The following YWHAQ variants were observed in gnomAD, a reference collection of about 807,000 sequenced individuals.
The protein encoded by YWHAQ is tyrosine 3-monooxygenase/tryptophan 5-monooxygenase activation protein theta, also known as 14-3-3 protein theta.
A neutral mutation model predicts 28.3 loss-of-function variants in YWHAQ; 6 were observed. The ratio of observed to expected loss-of-function variants is 0.21; its 90% CI spans 0.12 to 0.42. YWHAQ has a LOEUF of 0.42. Among genes scored for constraint, YWHAQ ranks in the 10% least tolerant of loss-of-function variants. YWHAQ has a pLI of 1.00. For missense variants in YWHAQ, 201 were observed against 305.6 expected, an observed-to-expected ratio of 0.66 and a Z score of 2.55; for synonymous variants, 143 against 119.1, an observed-to-expected ratio of 1.20 and a Z score of -1.31.
chr2:9,590,921 G>T (rs1318516382), intron 3 of YWHAQ, among the ~76,000 whole-genome samples: 1 of 152,194 alleles, frequency 6.6e-6, no homozygotes, highest in African/African-American at 2.4e-5. Context: ...GTAATTAGCA[G>T]TCAATGTTAT....
chr2:9,601,614 T>C (rs993598742), intron 2 of YWHAQ, among the ~76,000 whole-genome samples: 2 of 152,184 alleles, frequency 1.3e-5, no homozygotes, highest in Non-Finnish European at 2.9e-5. Context: ...ACCACACACG[T>C]GATGCCATCC....
intron 2 of YWHAQ, among the ~76,000 whole-genome samples, chr2:9,621,027 T>A (rs1296427252): frequency 6.6e-6 from 1 of 152,194 alleles, no homozygotes; most frequent in Non-Finnish European, 1.5e-5. Flanking sequence ...ACCACTTTCA[T>A]AAGTCTAAGA....
intron 2 of YWHAQ, among the ~76,000 whole-genome samples, chr2:9,621,971 G>A (rs1205685491): frequency 6.6e-6 from 1 of 152,118 alleles, no homozygotes; most frequent in Non-Finnish European, 1.5e-5. Flanking sequence ...TCACTTACAA[G>A]TGGGAGTTGA....
intron 2 of YWHAQ, among the ~76,000 whole-genome samples, chr2:9,616,261 C>T (rs1667038606): frequency 6.6e-6 from 1 of 152,074 alleles, no homozygotes; most frequent in South Asian, 2.1e-4. Flanking sequence ...TGGATATCCA[C>T]ATGCAAAAGA....
At chr2:9,595,552 A>C (rs141494021) in intron 2 of YWHAQ, among the ~76,000 whole-genome samples, 3,190 of 152,064 alleles carry the variant, frequency 0.021, 76 homozygotes, top group African/African-American at 0.066. Flanking sequence ...TAAAAATACA[A>C]AATTAGCCGG....
rs1487926800 is a variant in YWHAQ at position 9,584,948 on chromosome 2, C to G, written c.*338G>C. 1.3e-5 allele frequency: 3 copies of G among 223,580 alleles called. No individual in the cohort carries two copies. Among genetic ancestry groups the G allele is most frequent in the African/African-American group, 6.9e-5 (3 of 43,622 alleles). The allele number at this position is 223,580 out of a possible 1,614,324, so 13.8% of individuals were successfully genotyped here. ...GTAATTAACTACATTTTCTTATTTT[C>G]ACAGTAATACAAAACACAGTCACTT... On this transcript the variant is annotated 3_prime_UTR_variant, in exon 6 of 6. Transcript: ENST00000238081.
At chr2:9,614,063 T>A (rs757689096) in intron 2 of YWHAQ, among the ~76,000 whole-genome samples, 4 of 152,208 alleles carry the variant, frequency 2.6e-5, no homozygotes, top group Non-Finnish European at 5.9e-5. Flanking sequence ...AAACATAATG[T>A]CCAGTCTCTG....
At chr2:9,599,798 A>T (rs1666653129) in intron 2 of YWHAQ, among the ~76,000 whole-genome samples, 1 of 152,260 alleles carries the variant, frequency 6.6e-6, no homozygotes, top group South Asian at 2.1e-4. Context: ...ATAAAACAAC[A>T]TCCATTCTGC....
At position 9,603,786 on chromosome 2, in the gene YWHAQ, G is replaced by A. The variant is rs1387310184; in HGVS notation, c.295-12271C>T. Among the ~76,000 whole-genome samples, 7 of 151,894 alleles carry A rather than the reference G, an allele frequency of 4.6e-5. 1 individual carries two copies. Among genetic ancestry groups the A allele is most frequent in the Admixed American group, 3.3e-4 (5 of 15,260 alleles). ...AAAAATACTAAAAAACTAGCTGGGC[G>A]TGGTGGTGTACACCTGTAATCCCAG... is the stretch of plus-strand genomic sequence containing the variant. On this transcript the variant is annotated intron_variant, in intron 2 of 5. Transcript: ENST00000238081.
rs183607643 is a variant in YWHAQ, at chr2:9,628,505, C to T, written c.294+1654G>A. ...CCTTGCTCGAGAACAAGAAAAATCA[C>T]GCGGTGATTCTGAATTGCTTCAAGG... On this transcript the variant is annotated intron_variant, in intron 2 of 5. Transcript: ENST00000238081. 1.8e-4 allele frequency among the ~76,000 whole-genome samples: 28 copies of T among 152,326 alleles called. No individual in the cohort carries two copies. In the East Asian group the frequency reaches 4.8e-3, roughly 26 times the overall value.
intron 2 of YWHAQ, among the ~76,000 whole-genome samples, chr2:9,594,254 TATAATTTTA>T (rs1223105516): frequency 2.6e-5 from 4 of 152,164 alleles, no homozygotes; most frequent in Admixed American, 6.5e-5. Flanking sequence ...ACATCACCAA[TATAATTTTA>T]ATAGTTTTTT....
Position 9,630,297 on chromosome 2 carries a change from G to A in YWHAQ, c.156C>T (p.Val52=). The part of the protein sequence containing the change: ...NLLSVAYKNV[V]GGRRSAWRVI... Reference sequence around the variant, plus strand: ...CCCTCCAGGCGGACCTGCGGCCCCCGACCACGTTCTTGTAGGCCACGGAGA... The same window carrying A: ...CCCTCCAGGCGGACCTGCGGCCCCCAACCACGTTCTTGTAGGCCACGGAGA... Residue 52 remains valine, a synonymous_variant, in exon 2 of 6, where the codon GTC becomes GTT. Coordinates refer to ENST00000238081, the MANE Select transcript of YWHAQ (RefSeq NM_006826.4). The surrounding 1 kb of genome is among the most constrained non-coding windows in gnomAD (Gnocchi z 5.6). 6.2e-7 allele frequency: 1 copy of A among 1,614,132 alleles called. No individual in the cohort carries two copies. Among genetic ancestry groups the A allele is most frequent in the Non-Finnish European group, 8.5e-7 (1 of 1,180,042 alleles).
chr2:9,621,973 G>A (rs531914373), intron 2 of YWHAQ, among the ~76,000 whole-genome samples: 1 of 152,238 alleles, frequency 6.6e-6, no homozygotes, highest in Non-Finnish European at 1.5e-5. Context: ...ACTTACAAGT[G>A]GGAGTTGAAC....
intron 2 of YWHAQ, among the ~76,000 whole-genome samples, chr2:9,599,483 T>C (rs150280818): frequency 2.0e-5 from 3 of 152,316 alleles, no homozygotes; most frequent in East Asian, 1.9e-4. Flanking sequence ...TCAGAGCTAA[T>C]TGCAGCTGGT....
chr2:9,627,746 A>T lies in YWHAQ; in HGVS notation c.294+2413T>A, dbSNP rs190721729. On this transcript the variant is annotated intron_variant, in intron 2 of 5. Coordinates refer to ENST00000238081, the MANE Select transcript of YWHAQ (RefSeq NM_006826.4). The stretch of plus-strand genomic sequence containing the variant: ...CCCTTACTCCAATCTTCTATAAATG[A>T]TGATGGCTGCCTTCCTTTCCAGGCT... Among the ~76,000 whole-genome samples the T allele has an allele frequency of 5.9e-5, 9 of 152,318 alleles. No homozygotes were observed. The East Asian group carries it at 1.3e-3, about 23-fold the overall frequency.
At chr2:9,585,909 T>C (rs1398236064) in intron 5 of YWHAQ, among the ~76,000 whole-genome samples, 1 of 97,548 alleles carries the variant, frequency 1.0e-5, no homozygotes, top group Non-Finnish European at 2.1e-5. Flanking sequence ...TGAGATCCTT[T>C]CTCAAAAAAA....
chr2:9,588,431 G>T lies in YWHAQ; in HGVS notation c.419-103C>A, dbSNP rs907935681. 5.4e-5 allele frequency: 73 copies of T among 1,357,194 alleles called. 1 individual carries two copies. The Middle Eastern group carries it at 9.1e-4, about 17-fold the overall frequency. The allele number at this position is 1,357,194 out of a possible 1,614,324, so 84.1% of individuals were successfully genotyped here. A position where few individuals can be genotyped will look rare whatever the true frequency, so the allele number is the denominator to read the frequency against. Reference sequence around the variant, plus strand: ...TGCTACTAGCTCTTGGTAGAACCAAGATTTTTTCTCTGTATGGGTCTTTTA... The same window carrying T: ...TGCTACTAGCTCTTGGTAGAACCAATATTTTTTCTCTGTATGGGTCTTTTA... On this transcript the variant is annotated intron_variant, in intron 3 of 5. Transcript: ENST00000238081.
chr2:9,624,669 G>C (rs548436819), intron 2 of YWHAQ, among the ~76,000 whole-genome samples: 3 of 152,038 alleles, frequency 2.0e-5, no homozygotes, highest in Non-Finnish European at 4.4e-5. Context: ...CCAAAATTCC[G>C]CTGGGGGCAG....
intron 2 of YWHAQ, among the ~76,000 whole-genome samples, chr2:9,620,076 T>A (rs1213520435): frequency 6.6e-6 from 1 of 152,224 alleles, no homozygotes; most frequent in Non-Finnish European, 1.5e-5. Flanking sequence ...CACACACTTC[T>A]CCATTTATTT....
Sources: allele counts gnomAD v4.1 joint callset (sites outside exome capture counted in the v4.1 genomes callset), GRCh38; gene constraint gnomAD v4.1.1; non-coding constraint Gnocchi (gnomAD v3.1); transcripts MANE v1.5; gene names NCBI Gene and HGNC (gene_info 2026-07-23, HGNC 2026-07-21).